Variants in OCA2 observed in about 807,000 individuals in gnomAD.
OCA2 encodes P protein.
OCA2 carries 77 observed loss-of-function variants against 100.2 expected under a neutral mutation model. That is an observed-to-expected ratio of 0.77 (90% confidence interval 0.64 to 0.93). The LOEUF (loss-of-function observed/expected upper bound fraction) is 0.93, where lower values mean the gene tolerates loss of function less well. Ranked by LOEUF, OCA2 falls within the 40% of genes least tolerant of loss-of-function variation. OCA2 has a pLI of 0.00. For synonymous variants in OCA2, 432 were observed against 439.2 expected, an observed-to-expected ratio of 0.98 and a Z score of 0.21; for missense variants, 1,062 against 1,089.1, an observed-to-expected ratio of 0.98 and a Z score of 0.35.
chr15:27,804,665 TC>T (rs1326278926), intron 23 of OCA2, among the ~76,000 whole-genome samples: 1 of 152,226 alleles, frequency 6.6e-6, no homozygotes, highest in African/African-American at 2.4e-5. Context: ...TGGTTTCTCT[TC>T]TTTTCTAGGT....
chr15:27,964,291 C>T (rs2040494742), intron 15 of OCA2, among the ~76,000 whole-genome samples: 2 of 152,186 alleles, frequency 1.3e-5, no homozygotes, highest in South Asian at 4.1e-4. Context: ...ATCAAGATCC[C>T]TAATGTACAC....
chr15:27,994,109 G>A (rs959879431), intron 9 of OCA2, among the ~76,000 whole-genome samples: 13 of 152,106 alleles, frequency 8.5e-5, no homozygotes, highest in Admixed American at 2.0e-4. Flanking sequence ...ACCCTGCCAC[G>A]GACTAGTACC....
intron 21 of OCA2, among the ~76,000 whole-genome samples, chr15:27,864,659 A>C (rs2036255251): frequency 6.6e-6 from 1 of 152,162 alleles, no homozygotes. Context: ...ATGAGTGCCA[A>C]CAAGTCAGTT....
chr15:28,041,444 CT>C (rs981237805), intron 2 of OCA2, among the ~76,000 whole-genome samples: 1 of 152,142 alleles, frequency 6.6e-6, no homozygotes, highest in Non-Finnish European at 1.5e-5. Context: ...AGACTGAAAG[CT>C]TTTCCCCTAT....
chr15:27,823,840 C>T (rs1424227805), intron 23 of OCA2, among the ~76,000 whole-genome samples: 2 of 152,092 alleles, frequency 1.3e-5, no homozygotes, highest in African/African-American at 4.8e-5. Flanking sequence ...AATCAAAATG[C>T]TCATTTAAAG....
chr15:27,896,212 C>T (rs1025428957), intron 19 of OCA2: 1 of 935,570 alleles, frequency 1.1e-6, no homozygotes, highest in African/African-American at 1.6e-5. Flanking sequence ...TTGTCTATCC[C>T]TCACAGTACC....
chr15:28,058,734 A>C (rs1411888147), intron 2 of OCA2, among the ~76,000 whole-genome samples: 2 of 152,226 alleles, frequency 1.3e-5, no homozygotes, highest in Non-Finnish European at 2.9e-5. Context: ...TTAACAGAAA[A>C]TTGTCACTAT....
At chr15:27,779,530 G>T (rs1401900129) in intron 23 of OCA2, among the ~76,000 whole-genome samples, 1 of 152,106 alleles carries the variant, frequency 6.6e-6, no homozygotes, top group Non-Finnish European at 1.5e-5. Context: ...TTTGTCTCTT[G>T]TGACAGTTTC....
chr15:27,770,994 CCCTT>C (rs113635569), intron 23 of OCA2, among the ~76,000 whole-genome samples: 31,306 of 93,728 alleles, frequency 0.33, 5,863 homozygotes, highest in East Asian at 0.61. Context: ...TTTCTTCCTT[CCCTT>C]CCTTCCTTCC....
At chr15:27,770,450 A>C (rs1261649621) in intron 23 of OCA2, among the ~76,000 whole-genome samples, 1 of 152,146 alleles carries the variant, frequency 6.6e-6, no homozygotes, top group African/African-American at 2.4e-5. Flanking sequence ...TCTCCCTGAG[A>C]ACCGGCATCC....
intron 9 of OCA2, among the ~76,000 whole-genome samples, chr15:28,003,603 G>A (rs993547395): frequency 1.3e-4 from 19 of 148,108 alleles, no homozygotes; most frequent in African/African-American, 5.1e-4. Flanking sequence ...GGAACGACGG[G>A]AAAGCAGGGC....
chr15:27,917,561 C>T (rs1268954989), intron 19 of OCA2, among the ~76,000 whole-genome samples: 1 of 152,184 alleles, frequency 6.6e-6, no homozygotes, highest in Non-Finnish European at 1.5e-5. Context: ...ATTCATGGCA[C>T]ATGAGAAAGC....
At chr15:28,025,326 CAAAT>C (rs954339478) in intron 4 of OCA2, among the ~76,000 whole-genome samples, 4 of 152,142 alleles carry the variant, frequency 2.6e-5, no homozygotes, top group Non-Finnish European at 5.9e-5. Context: ...AATACAAAAA[CAAAT>C]AACTTAAGAA....
chr15:27,857,769 A>T (rs2035995217), intron 21 of OCA2, among the ~76,000 whole-genome samples: 1 of 152,156 alleles, frequency 6.6e-6, no homozygotes, highest in African/African-American at 2.4e-5. Context: ...AGACAGGAAA[A>T]ATATTTAATA....
At position 27,786,758 on chromosome 15, in the gene OCA2, T is replaced by C. The variant is rs149445426; in HGVS notation, c.2433-31286A>G. On this transcript the variant is annotated intron_variant, in intron 23 of 23. Coordinates refer to ENST00000354638, the MANE Select transcript of OCA2 (RefSeq NM_000275.3). Reference sequence around the variant, plus strand: ...CATTTGTAAATAAAAGCCGTTTTACTTCTTCCTTTCCATAACTTTCCTTGA... The same window carrying C: ...CATTTGTAAATAAAAGCCGTTTTACCTCTTCCTTTCCATAACTTTCCTTGA... 6.1e-3 allele frequency among the ~76,000 whole-genome samples: 936 copies of C among 152,282 alleles called. 17 individuals are homozygous for C. The highest frequency in any genetic ancestry group is 0.021 in the African/African-American group (872 of 41,578).
intron 1 of OCA2, among the ~76,000 whole-genome samples, chr15:28,091,073 T>C (rs1039822170): frequency 2.0e-5 from 3 of 152,160 alleles, no homozygotes; most frequent in Non-Finnish European, 2.9e-5. Flanking sequence ...TTTTACAACT[T>C]TACATACATA....
chr15:27,881,569 G>T (rs1595568373), intron 19 of OCA2, among the ~76,000 whole-genome samples: 1 of 152,146 alleles, frequency 6.6e-6, no homozygotes. Flanking sequence ...TCTATTCAGG[G>T]ATTCAACTTC....
At chr15:28,098,890 C>G (rs1029526625) in intron 1 of OCA2, among the ~76,000 whole-genome samples, 1 of 152,250 alleles carries the variant, frequency 6.6e-6, no homozygotes, top group African/African-American at 2.4e-5. Context: ...GTGCCAGATG[C>G]TGCCCTGGAG....
rs779798260 is a variant in OCA2 at position 27,755,250 on chromosome 15, C to A, written c.*138G>T. On this transcript the variant is annotated 3_prime_UTR_variant, in exon 24 of 24. Transcript: ENST00000354638. ...TGAATTAGAGTGTTAGTGTCAAGGT[C>A]TATTCCACTGTGTCTCTGTAGCATC... is the stretch of plus-strand genomic sequence containing the variant. 1 of 697,188 alleles carries A rather than the reference C, an allele frequency of 1.4e-6. No individual in the cohort carries two copies. The highest frequency in any genetic ancestry group is 2.6e-6 in the Non-Finnish European group (1 of 377,720). 43.2% of individuals were successfully genotyped at this position (697,188 alleles called of 1,614,324 possible).
Sources: allele counts gnomAD v4.1 joint callset (sites outside exome capture counted in the v4.1 genomes callset), GRCh38; gene constraint gnomAD v4.1.1; transcripts MANE v1.5; gene names NCBI Gene and HGNC (gene_info 2026-07-23, HGNC 2026-07-21).